The following AHCY variants were observed in gnomAD, a reference collection of about 807,000 sequenced individuals.
AHCY encodes adenosylhomocysteinase.
Under a neutral mutation model 45.4 loss-of-function variants are expected in AHCY, and 24 were observed. The observed-to-expected ratio is 0.53, with a 90% CI of 0.38 to 0.74. The LOEUF (loss-of-function observed/expected upper bound fraction) is 0.74, where lower values mean the gene tolerates loss of function less well. AHCY is among the 30% of genes least tolerant of loss of function. The pLI is 0.00. For synonymous variants in AHCY, 245 were observed against 235.1 expected (o/e 1.04, Z -0.39); for missense variants, 449 against 594.1 (o/e 0.76, Z 2.54).
the AHCY span, among the ~76,000 whole-genome samples, chr20:34,252,396 G>T: frequency 6.6e-6 from 1 of 152,172 alleles, no homozygotes; most frequent in Non-Finnish European, 1.5e-5. Context: ...TCATGAGTAA[G>T]TTCAAGGAAA....
At chr20:34,240,544 C>A in the AHCY span, among the ~76,000 whole-genome samples, 1 of 152,084 alleles carries the variant, frequency 6.6e-6, no homozygotes, top group Non-Finnish European at 1.5e-5. Flanking sequence ...AATTATGAGA[C>A]CAATATTCCT....
chr20:34,254,609 GC>G, the AHCY span, among the ~76,000 whole-genome samples: 1 of 152,090 alleles, frequency 6.6e-6, no homozygotes, highest in African/African-American at 2.4e-5. Context: ...TATTCATCCT[GC>G]CTATTATGAA....
the AHCY span, among the ~76,000 whole-genome samples, chr20:34,262,272 T>C: frequency 6.6e-6 from 1 of 152,208 alleles, no homozygotes; most frequent in African/African-American, 2.4e-5. Flanking sequence ...AAGGCAGATA[T>C]TATGGAACCT....
the AHCY span, chr20:34,269,174 C>G: frequency 6.7e-7 from 1 of 1,498,584 alleles, no homozygotes; most frequent in African/African-American, 1.4e-5. Context: ...CTGAGCGCCC[C>G]CACTCCCGGC....
At chr20:34,297,954 C>T (rs1018331254) in intron 1 of AHCY, among the ~76,000 whole-genome samples, 26 of 152,218 alleles carry the variant, frequency 1.7e-4, no homozygotes, top group Non-Finnish European at 3.1e-4. Context: ...GCCTGACCAA[C>T]ATGGTGAAAC....
chr20:34,246,529 A>T, the AHCY span: 2 of 1,119,172 alleles, frequency 1.8e-6, no homozygotes, highest in Non-Finnish European at 2.7e-6. Flanking sequence ...TGGATTCAGA[A>T]ATCTCAGCTC....
intron 1 of AHCY, among the ~76,000 whole-genome samples, chr20:34,300,301 G>A (rs989757449): frequency 1.3e-5 from 2 of 152,162 alleles, no homozygotes; most frequent in Admixed American, 6.5e-5. Context: ...GAAGAGGGAG[G>A]CTCTTAAAAA....
intron 1 of AHCY, chr20:34,302,966 C>T (rs1425425068): frequency 1.0e-6 from 1 of 985,326 alleles, no homozygotes; most frequent in East Asian, 1.1e-4. Flanking sequence ...GGTGTGCTCT[C>T]CCGCGGAGCA....
chr20:34,287,024 A>G (rs994700073), intron 8 of AHCY, among the ~76,000 whole-genome samples: 1 of 151,784 alleles, frequency 6.6e-6, no homozygotes, highest in Non-Finnish European at 1.5e-5. Flanking sequence ...CTGAACACAC[A>G]AACTTGCTTT....
chr20:34,237,985 C>T, the AHCY span, among the ~76,000 whole-genome samples: 2 of 152,104 alleles, frequency 1.3e-5, no homozygotes, highest in East Asian at 3.8e-4. Context: ...CTCTGGCCTC[C>T]AAAGTTTCTG....
upstream of AHCY, among the ~76,000 whole-genome samples, chr20:34,304,738 G>T (rs531790830): frequency 1.3e-5 from 2 of 151,694 alleles, no homozygotes; most frequent in African/African-American, 4.8e-5. Context: ...GCCCAGGCTG[G>T]AGTGCAATGG....
At chr20:34,303,656 T>C (rs1452956214), upstream of AHCY, among the ~76,000 whole-genome samples, 1 of 152,160 alleles carries the variant, frequency 6.6e-6, no homozygotes, top group Non-Finnish European at 1.5e-5. Flanking sequence ...AATTTCCTCA[T>C]CTGTAAAATG....
chr20:34,286,967 G>A (rs2036209569), intron 8 of AHCY, among the ~76,000 whole-genome samples: 1 of 151,952 alleles, frequency 6.6e-6, no homozygotes, highest in Non-Finnish European at 1.5e-5. Context: ...AACGTGACAT[G>A]GAAATCCCCA....
chr20:34,258,700 A>ATATATATATATACACACATAC, the AHCY span, among the ~76,000 whole-genome samples: 20 of 77,922 alleles, frequency 2.6e-4, 1 homozygote, highest in East Asian at 5.2e-4. Flanking sequence ...TACATACTAT[A>ATATATATATATACACACATAC]TATATATATT....
chr20:34,264,009 T>C, the AHCY span, among the ~76,000 whole-genome samples: 4 of 151,992 alleles, frequency 2.6e-5, no homozygotes, highest in East Asian at 5.8e-4. Context: ...AGATTGACAA[T>C]TAGAAAAAAC....
At chr20:34,283,651 T>C (rs1422584677) in intron 9 of AHCY, among the ~76,000 whole-genome samples, 1 of 152,206 alleles carries the variant, frequency 6.6e-6, no homozygotes, top group Admixed American at 6.5e-5. Flanking sequence ...CATAGCCATA[T>C]TTCTCCCAAC....
At chr20:34,258,698 A>C in the AHCY span, among the ~76,000 whole-genome samples, 7,148 of 62,030 alleles carry the variant, frequency 0.12, 2,676 homozygotes, top group African/African-American at 0.6. Context: ...TATACATACT[A>C]TATATATATA....
At chr20:34,304,046 A>G (rs1380121111), upstream of AHCY, among the ~76,000 whole-genome samples, 1 of 152,216 alleles carries the variant, frequency 6.6e-6, no homozygotes, top group East Asian at 1.9e-4. Flanking sequence ...GTACCTACTG[A>G]CATCCCAAAC....
In AHCY at chr20:34,280,773, T is replaced by C; in HGVS notation, c.*261A>G. 1.9e-6 allele frequency: 1 copy of C among 528,144 alleles called. No homozygotes were observed. The highest frequency in any genetic ancestry group is 2.0e-5 in the South Asian group (1 of 50,004). The allele number at this position is 528,144 out of a possible 1,614,324, so 32.7% of individuals were successfully genotyped here. On this transcript the variant is annotated 3_prime_UTR_variant, in exon 10 of 10. Coordinates refer to ENST00000217426, the MANE Select transcript of AHCY (RefSeq NM_000687.4). ...AAGGAAGGACTGACTTAGTGAGCTGTTCCAAGACCACTGAGCTCATGGTTC... is the reference window on the plus strand; with the variant it reads ...AAGGAAGGACTGACTTAGTGAGCTGCTCCAAGACCACTGAGCTCATGGTTC...
Sources: gnomAD v4.1 joint callset for allele counts (sites outside exome capture counted in the v4.1 genomes callset) on GRCh38, gnomAD v4.1.1 for gene constraint, MANE v1.5 for transcripts, NCBI Gene and HGNC (gene_info 2026-07-23, HGNC 2026-07-21) for gene names.